The following UNKL variants were observed in gnomAD, a reference collection of about 807,000 sequenced individuals.
The protein encoded by UNKL is putative E3 ubiquitin-protein ligase UNKL.
A neutral mutation model predicts 78.0 loss-of-function variants in UNKL; 60 were observed. The observed-to-expected ratio is 0.77, with a 90% CI of 0.63 to 0.95. UNKL has a LOEUF of 0.95. Ranked by LOEUF, UNKL falls within the 40% of genes least tolerant of loss-of-function variation. UNKL has a pLI of 0.00. For synonymous variants in UNKL, 608 were observed against 474.8 expected, an observed-to-expected ratio of 1.28 and a Z score of -3.65; for missense variants, 1,159 against 1,045.7, an observed-to-expected ratio of 1.11 and a Z score of -1.49.
intron 12 of UNKL, chr16:1,369,882 G>A (rs914951324): frequency 6.8e-7 from 1 of 1,467,134 alleles, no homozygotes; most frequent in African/African-American, 1.4e-5. Context: ...GGCTGAGGCA[G>A]GAGAATTGCT....
At chr16:1,408,267 C>T (rs1246609187) in intron 2 of UNKL, among the ~76,000 whole-genome samples, 1 of 152,188 alleles carries the variant, frequency 6.6e-6, no homozygotes, top group East Asian at 1.9e-4. Flanking sequence ...GCTGCCCCCC[C>T]CCCCAACGAC....
chr16:1,401,657 C>T lies in UNKL; in HGVS notation c.509G>A (p.Gly170Asp), dbSNP rs759124740. 1 of 1,612,488 alleles carries T rather than the reference C, an allele frequency of 6.2e-7. No homozygotes were observed. The highest frequency in any genetic ancestry group is 1.1e-5 in the South Asian group (1 of 91,000). ...CTGCAGATCCGGGACCCCTTCCCCG[C>T]CGCCCAGCTGGCCGTTCTGCAAGGC... ...QEALQNGQLG[G>D]GEGVPDLQPG... The change falls in exon 4 of 15, where the codon GGC becomes GAC. Residue 170 changes from glycine to aspartate, a missense_variant. Transcript: ENST00000389221.
Position 1,414,665 on chromosome 16 carries a change from T to C in UNKL, c.27A>G (p.Ala9=), listed in dbSNP as rs750480622. MPSVSKAA[A]AALSGSPPQT... Reference sequence around the variant, plus strand: ...GCGGGGGGGACCCGCTCAGCGCCGCTGCCGCCGCTTTCGAAACCGACGGCA... The same window carrying C: ...GCGGGGGGGACCCGCTCAGCGCCGCCGCCGCCGCTTTCGAAACCGACGGCA... The change falls in exon 1 of 15, where the codon GCA becomes GCG. Residue 9 remains alanine (A), a synonymous_variant. Coordinates refer to ENST00000389221, the MANE Select transcript of UNKL (RefSeq NM_001372107.1). 1 of 1,151,420 alleles carries C rather than the reference T, an allele frequency of 8.7e-7. No individual in the cohort carries two copies. Among genetic ancestry groups the C allele is most frequent in the African/African-American group, 1.7e-5 (1 of 59,628 alleles). 71.3% of individuals were successfully genotyped at this position (1,151,420 alleles called of 1,614,324 possible).
At position 1,397,024 on chromosome 16, in the gene UNKL, G is replaced by A. The variant is rs558615646; in HGVS notation, c.852+154C>T. On this transcript the variant is annotated intron_variant, in intron 6 of 14. Coordinates refer to ENST00000389221, the MANE Select transcript of UNKL (RefSeq NM_001372107.1). ...CAAGCAAGACAAGCAAGCAGGTACA[G>A]CCCTCATGCCTCCACCCCCAGGCTT... 176 of 743,348 alleles carry A rather than the reference G, an allele frequency of 2.4e-4. No homozygotes were observed. The African/African-American group carries it at 2.7e-3, about 12-fold the overall frequency. 46.0% of individuals were successfully genotyped at this position (743,348 alleles called of 1,614,324 possible).
intron 2 of UNKL, 103 bp downstream of exon 2, chr16:1,413,743 C>T (rs1439469245): frequency 4.7e-6 from 6 of 1,271,688 alleles, no homozygotes; most frequent in Non-Finnish European, 4.2e-6. Flanking sequence ...TCTGCAGGGG[C>T]CAGGTATGGA....
At chr16:1,385,151 G>T in intron 10 of UNKL, 57 bp downstream of exon 10, 1 of 1,194,448 alleles carries the variant, frequency 8.4e-7, no homozygotes, top group Non-Finnish European at 1.1e-6. Context: ...TCCCTGAAAA[G>T]CTACAGCATG....
At chr16:1,411,483 G>A (rs2038035434) in intron 2 of UNKL, among the ~76,000 whole-genome samples, 2 of 152,184 alleles carry the variant, frequency 1.3e-5, no homozygotes, top group Non-Finnish European at 2.9e-5. Context: ...AGTGAGCCGT[G>A]TTCATGCCCC....
In UNKL at chr16:1,392,895, C is replaced by A. The variant is rs939975601; in HGVS notation, c.1019G>T (p.Gly340Val). ...SPSSTGSGQP[G>V]NAKRRDSPAE... ...CTGGGAAGGCCGTTCACTTACATTT[C>A]CCGGCTGGCCGCTGCCCGTGGAGGA... The change falls in exon 8 of 15, where the codon GGA (glycine) becomes GTA (valine). Residue 340 changes from glycine (G) to valine (V), a missense_variant. Gly to Val is a moderately radical substitution (Grantham distance 109, BLOSUM62 -3). Coordinates refer to ENST00000389221, the MANE Select transcript of UNKL (RefSeq NM_001372107.1). 2.1e-5 allele frequency: 32 copies of A among 1,550,494 alleles called. No individual in the cohort carries two copies. Among genetic ancestry groups the A allele is most frequent in the Non-Finnish European group, 2.5e-5 (29 of 1,147,022 alleles).
intron 10 of UNKL, among the ~76,000 whole-genome samples, chr16:1,382,388 G>GCAGGGCAGCCCCATACTCCCAGC (rs1239537382): frequency 6.6e-6 from 1 of 152,212 alleles, no homozygotes; most frequent in Non-Finnish European, 1.5e-5. Context: ...CCTTCCCTGG[G>GCAGGGCAGCCCCATACTCCCAGC]CAGGGCAGCC....
At chr16:1,385,073 T>C in intron 10 of UNKL, 135 bp downstream of exon 10, 2 of 716,642 alleles carry the variant, frequency 2.8e-6, no homozygotes, top group Non-Finnish European at 3.8e-6. Flanking sequence ...GACAGATGAC[T>C]GAAAATACGC....
rs193227604 is a variant in UNKL, at chr16:1,367,092, G to A, written c.2046C>T (p.Gly682=). 8.5e-5 allele frequency: 132 copies of A among 1,552,456 alleles called. 1 individual carries two copies. The African/African-American group carries it at 8.8e-4, about 10-fold the overall frequency. ...QLRLDLEAVD[G]VIFQLRAKQC... ...TCACCCTGCCCAGAGCAGGACTCACGCCGTCCACCGCCTCCAGGTCCAGGC... is the reference window on the plus strand; with the variant it reads ...TCACCCTGCCCAGAGCAGGACTCACACCGTCCACCGCCTCCAGGTCCAGGC... Residue 682 remains glycine (G), a splice_region_variant and synonymous_variant, in exon 14 of 15, where the codon GGC becomes GGT. Transcript: ENST00000389221.
chr16:1,366,768 G>A (rs558327384), intron 14 of UNKL, among the ~76,000 whole-genome samples: 69 of 152,300 alleles, frequency 4.5e-4, no homozygotes, highest in Non-Finnish European at 7.6e-4. Context: ...GGAGGGGCAC[G>A]CCGAAGTGGA....
At chr16:1,394,021 C>G (rs1222831949) in intron 7 of UNKL, 110 bp downstream of exon 7, 2 of 1,141,338 alleles carry the variant, frequency 1.8e-6, no homozygotes, top group Non-Finnish European at 2.5e-6. Context: ...TGAGCTCCTG[C>G]CCGCCTTCCA....
At chr16:1,409,453 C>G (rs899699145) in intron 2 of UNKL, among the ~76,000 whole-genome samples, 2 of 152,062 alleles carry the variant, frequency 1.3e-5, no homozygotes, top group African/African-American at 4.8e-5. Context: ...CCTAAAGGGC[C>G]GGTCGAAGCA....
At chr16:1,394,266 G>A (rs2037166983) in intron 6 of UNKL, 51 bp from the exon 7 acceptor site, 1 of 1,535,002 alleles carries the variant, frequency 6.5e-7, no homozygotes, top group African/African-American at 1.4e-5. Context: ...GGATTCTGTG[G>A]AAAGACCACA....
Position 1,370,498 on chromosome 16 carries a change from A to C in UNKL, c.1358-141T>G, listed in dbSNP as rs1368907680. On this transcript the variant is annotated intron_variant, in intron 11 of 14. Coordinates refer to ENST00000389221, the MANE Select transcript of UNKL (RefSeq NM_001372107.1). ...GGGGTGGGAATATAGGGGCCAGGCC[A>C]GCCACCACCATCTATGTGTTTGGAG... is the stretch of plus-strand genomic sequence containing the variant. 3.0e-6 allele frequency: 4 copies of C among 1,338,584 alleles called. No individual in the cohort carries two copies. In the African/African-American group the frequency reaches 6.0e-5, roughly 20 times the overall value. 82.9% of individuals were successfully genotyped at this position (1,338,584 alleles called of 1,614,324 possible).
In UNKL at chr16:1,363,243, A is replaced by AATAACTCCATGAATT. The variant is rs1407049783; in HGVS notation, c.*2982_*2996dup. ...TTTAATTAATTCCCATACTGATAAA[A>AATAACTCCATGAATT]ATAACTCCATGAATTCTGTAAACCA... On this transcript the variant is annotated 3_prime_UTR_variant, in exon 15 of 15. Transcript: ENST00000389221. 1 of 704,172 alleles carries AATAACTCCATGAATT rather than the reference A, an allele frequency of 1.4e-6. No homozygotes were observed. The highest frequency in any genetic ancestry group is 2.5e-6 in the Non-Finnish European group (1 of 398,992). The allele number at this position is 704,172 out of a possible 1,614,324, so 43.6% of individuals were successfully genotyped here. A position where few individuals can be genotyped will look rare whatever the true frequency, so the allele number is the denominator to read the frequency against.
intron 2 of UNKL, among the ~76,000 whole-genome samples, chr16:1,412,401 A>T (rs1245976723): frequency 6.6e-6 from 1 of 151,966 alleles, no homozygotes; most frequent in Non-Finnish European, 1.5e-5. Flanking sequence ...ACCTGAGGTC[A>T]GGAGTTCGAG....
Position 1,414,016 on chromosome 16 carries a change from A to G in UNKL, c.117T>C (p.Phe39=). ...GGTGCTGCGCGCACTTGTGCTGTGA[A>G]AACAGGGGGCACTGCTCCGTCCTGA... The part of the protein sequence containing the change: ...KEFRTEQCPL[F]SQHKCAQHRP... The change falls in exon 2 of 15, where the codon TTT becomes TTC. Residue 39 remains phenylalanine, a synonymous_variant. Coordinates refer to ENST00000389221, the MANE Select transcript of UNKL (RefSeq NM_001372107.1). 6.4e-7 allele frequency: 1 copy of G among 1,551,250 alleles called. No homozygotes were observed. Among genetic ancestry groups the G allele is most frequent in the Non-Finnish European group, 8.7e-7 (1 of 1,147,192 alleles).
Sources: allele counts gnomAD v4.1 joint callset (sites outside exome capture counted in the v4.1 genomes callset), GRCh38; gene constraint gnomAD v4.1.1; transcripts MANE v1.5; gene names NCBI Gene and HGNC (gene_info 2026-07-23, HGNC 2026-07-21).